SLC25A26: variants seen among roughly 807,000 people sequenced by gnomAD.
SLC25A26 encodes mitochondrial S-adenosylmethionine carrier protein.
Under a neutral mutation model 37.8 loss-of-function variants are expected in SLC25A26, and 36 were observed. The observed-to-expected ratio is 0.95, with a 90% CI of 0.73 to 1.26. The LOEUF (loss-of-function observed/expected upper bound fraction) is 1.26, where lower values mean the gene tolerates loss of function less well. Among genes scored for constraint, SLC25A26 ranks in the 50% most tolerant of loss-of-function variants. The pLI, the probability that SLC25A26 is intolerant of heterozygous loss-of-function variation, is 0.00. For missense variants in SLC25A26, 390 were observed against 331.1 expected, an observed-to-expected ratio of 1.18 and a Z score of -1.38; for synonymous variants, 129 against 122.5, an observed-to-expected ratio of 1.05 and a Z score of -0.35.
intron 1 of SLC25A26, among the ~76,000 whole-genome samples, chr3:66,228,126 T>G (rs1258498618): frequency 6.6e-6 from 1 of 152,230 alleles, no homozygotes; most frequent in Non-Finnish European, 1.5e-5. Flanking sequence ...CAAGAAATTA[T>G]CTAAACACAA....
intron 6 of SLC25A26, among the ~76,000 whole-genome samples, chr3:66,362,036 A>T (rs1214975307): frequency 1.3e-5 from 2 of 152,222 alleles, no homozygotes; most frequent in Non-Finnish European, 2.9e-5. Context: ...TTAAAATTTT[A>T]AAATGGTGAT....
intron 5 of SLC25A26, among the ~76,000 whole-genome samples, chr3:66,265,408 G>A (rs2073706275): frequency 1.3e-5 from 2 of 152,152 alleles, no homozygotes; most frequent in Admixed American, 6.5e-5. Context: ...TCAAAAGTTC[G>A]TTTTCAGATA....
At chr3:66,182,712 G>C (rs36179287) in intron 1 of SLC25A26, among the ~76,000 whole-genome samples, 2 of 109,894 alleles carry the variant, frequency 1.8e-5, no homozygotes, top group Admixed American at 8.6e-5. Flanking sequence ...CCTGCAGTGG[G>C]CGGCGGGGGG....
intron 5 of SLC25A26, among the ~76,000 whole-genome samples, chr3:66,292,907 C>T (rs2074764396): frequency 6.6e-6 from 1 of 152,194 alleles, no homozygotes; most frequent in African/African-American, 2.4e-5. Context: ...TTCTCCCCGT[C>T]ACTTTGAGGT....
intron 6 of SLC25A26, among the ~76,000 whole-genome samples, chr3:66,348,748 G>C (rs771118441): frequency 2.6e-5 from 4 of 152,184 alleles, no homozygotes; most frequent in African/African-American, 4.8e-5. Flanking sequence ...TTAAGGCGTA[G>C]TATTGCTCAT....
At position 66,257,348 on chromosome 3, in the gene SLC25A26, T is replaced by G. The variant is rs529902203; in HGVS notation, c.301-4703T>G. On this transcript the variant is annotated intron_variant, in intron 3 of 9. Transcript: ENST00000354883. ...TATTATTTGTCAATTTTCTTCATTTTAAAATGAATTAAAAAAAAAGAAAAG... is the reference window on the plus strand; with the variant it reads ...TATTATTTGTCAATTTTCTTCATTTGAAAATGAATTAAAAAAAAAGAAAAG... Among the ~76,000 whole-genome samples the G allele has an allele frequency of 6.5e-4, 99 of 152,214 alleles. 1 individual carries two copies. The highest frequency in any genetic ancestry group is 2.3e-3 in the African/African-American group (96 of 41,526).
At chr3:66,214,413 G>A (rs1025795965) in intron 1 of SLC25A26, among the ~76,000 whole-genome samples, 1 of 152,040 alleles carries the variant, frequency 6.6e-6, no homozygotes, top group Non-Finnish European at 1.5e-5. Context: ...CCTTTATAAC[G>A]ATGCAAAACT....
intron 1 of SLC25A26, among the ~76,000 whole-genome samples, chr3:66,204,243 G>C (rs1422802243): frequency 1.3e-5 from 2 of 151,904 alleles, no homozygotes; most frequent in Admixed American, 6.6e-5. Flanking sequence ...GGCTAACACG[G>C]TGAAACCCCG....
chr3:66,228,757 T>A (rs1391304655), intron 1 of SLC25A26, among the ~76,000 whole-genome samples: 1 of 152,264 alleles, frequency 6.6e-6, no homozygotes, highest in Non-Finnish European at 1.5e-5. Context: ...CATATAGGTA[T>A]AATTTTATAT....
At chr3:66,164,960 G>GC (rs2070406211) in intron 1 of SLC25A26, among the ~76,000 whole-genome samples, 1 of 152,166 alleles carries the variant, frequency 6.6e-6, no homozygotes, top group South Asian at 2.1e-4. Flanking sequence ...CCTTCAAGAT[G>GC]CCCCCAATGA....
At chr3:66,295,525 C>G (rs1262638633) in intron 5 of SLC25A26, among the ~76,000 whole-genome samples, 1 of 151,964 alleles carries the variant, frequency 6.6e-6, no homozygotes, top group African/African-American at 2.4e-5. Flanking sequence ...CCTCAGCCTC[C>G]TGAGTAGCTG....
At chr3:66,307,021 C>G (rs1210048625) in intron 5 of SLC25A26, among the ~76,000 whole-genome samples, 1 of 152,154 alleles carries the variant, frequency 6.6e-6, no homozygotes, top group Non-Finnish European at 1.5e-5. Context: ...GGTATATACC[C>G]AGTAATGGGA....
chr3:66,193,286 A>T (rs1238062374), intron 1 of SLC25A26, among the ~76,000 whole-genome samples: 1 of 152,190 alleles, frequency 6.6e-6, no homozygotes, highest in Admixed American at 6.5e-5. Flanking sequence ...CAAAAGAATA[A>T]AATTAGAATT....
intron 3 of SLC25A26, among the ~76,000 whole-genome samples, chr3:66,257,268 A>C (rs782440285): frequency 9.9e-5 from 15 of 152,222 alleles, no homozygotes; most frequent in Non-Finnish European, 2.1e-4. Flanking sequence ...TTTCTGGTCC[A>C]AGTCAAGTAA....
chr3:66,166,599 G>T (rs1224803870), intron 1 of SLC25A26, among the ~76,000 whole-genome samples: 2 of 152,160 alleles, frequency 1.3e-5, no homozygotes, highest in Non-Finnish European at 2.9e-5. Flanking sequence ...TTTTAATTTG[G>T]TTAAGTTCAC....
chr3:66,367,101 G>A (rs2076840448), intron 7 of SLC25A26, among the ~76,000 whole-genome samples: 1 of 152,196 alleles, frequency 6.6e-6, no homozygotes, highest in Non-Finnish European at 1.5e-5. Flanking sequence ...AGTGCCTGCT[G>A]TGAGTGTGCT....
intron 6 of SLC25A26, among the ~76,000 whole-genome samples, chr3:66,350,413 A>G (rs576573111): frequency 6.6e-6 from 1 of 152,244 alleles, no homozygotes; most frequent in South Asian, 2.1e-4. Context: ...CTTTCTCTAT[A>G]TCACATTACT....
chr3:66,261,420 G>A (rs2073524133), intron 3 of SLC25A26, among the ~76,000 whole-genome samples: 1 of 152,104 alleles, frequency 6.6e-6, no homozygotes, highest in South Asian at 2.1e-4. Flanking sequence ...TGGCAGTGTG[G>A]ATTTGAGATG....
intron 1 of SLC25A26, among the ~76,000 whole-genome samples, chr3:66,155,399 G>A (rs1325660024): frequency 1.3e-5 from 2 of 152,112 alleles, no homozygotes; most frequent in African/African-American, 4.8e-5. Flanking sequence ...TGTAGTCCCA[G>A]CTACTCAGGA....
Sources: gnomAD v4.1 joint callset for allele counts (sites outside exome capture counted in the v4.1 genomes callset) on GRCh38, gnomAD v4.1.1 for gene constraint, MANE v1.5 for transcripts, NCBI Gene and HGNC (gene_info 2026-07-23, HGNC 2026-07-21) for gene names.